The following ST8SIA6 variants were observed in gnomAD, a reference collection of about 807,000 sequenced individuals.
ST8SIA6 encodes the protein alpha-2,8-sialyltransferase 8F.
In ST8SIA6, 39 loss-of-function variants were observed where a neutral mutation model predicts 33.6. The observed-to-expected ratio is 1.16, with a 90% CI of 0.90 to 1.52. The LOEUF (loss-of-function observed/expected upper bound fraction) is 1.52. ST8SIA6 is among the 40% of genes most tolerant of loss of function. The pLI is 0.00. For synonymous variants in ST8SIA6, 172 were observed against 167.2 expected, an observed-to-expected ratio of 1.03 and a Z score of -0.22; for missense variants, 441 against 443.8, an observed-to-expected ratio of 0.99 and a Z score of 0.06.
rs548004666 is a variant in ST8SIA6 at position 17,327,015 on chromosome 10, T to C, written c.634A>G (p.Arg212Gly). ...AGAAACCAATTTGTCAGGTCTTACC[T>C]AAAAACGAAGTCGGATTTATCTATT... The part of the protein sequence containing the change: ...TEIDKSDFVF[R>G]CNLPPTTGDV... Residue 212 changes from arginine to glycine, a missense_variant and splice_region_variant, in exon 6 of 8, where the codon AGG becomes GGG. Arg to Gly is a moderately radical substitution (Grantham distance 125, BLOSUM62 -2). Transcript: ENST00000377602. The C allele has an allele frequency of 1.9e-6, 3 of 1,595,472 alleles. No homozygotes were observed. The Admixed American group carries it at 5.4e-5, about 29-fold the overall frequency.
At chr10:17,450,901 GAC>G (rs925227794) in intron 2 of ST8SIA6, among the ~76,000 whole-genome samples, 1 of 148,024 alleles carries the variant, frequency 6.8e-6, no homozygotes. Context: ...CACACACACA[GAC>G]ACACACACAC....
At chr10:17,401,808 G>A (rs1851052316) in intron 2 of ST8SIA6, among the ~76,000 whole-genome samples, 1 of 152,140 alleles carries the variant, frequency 6.6e-6, no homozygotes, top group African/African-American at 2.4e-5. Flanking sequence ...TTCAATGTTA[G>A]ACCTAAAACC....
chr10:17,387,456 G>A (rs973817398), intron 3 of ST8SIA6, among the ~76,000 whole-genome samples: 4 of 138,104 alleles, frequency 2.9e-5, no homozygotes, highest in African/African-American at 7.8e-5. Context: ...GCGGGGGGGG[G>A]GGGGTTCTCC....
intron 3 of ST8SIA6, among the ~76,000 whole-genome samples, chr10:17,372,807 A>C (rs951909392): frequency 1.3e-5 from 2 of 152,350 alleles, no homozygotes; most frequent in South Asian, 4.1e-4. Flanking sequence ...AAAGTCTCTT[A>C]TGACCTTTCT....
intron 3 of ST8SIA6, among the ~76,000 whole-genome samples, chr10:17,385,199 C>T (rs937637731): frequency 3.3e-5 from 5 of 152,146 alleles, no homozygotes; most frequent in African/African-American, 1.2e-4. Context: ...AAGATAGATG[C>T]GTATCTGATG....
intron 2 of ST8SIA6, among the ~76,000 whole-genome samples, chr10:17,397,608 G>T (rs529769231): frequency 2.0e-5 from 3 of 152,088 alleles, no homozygotes; most frequent in African/African-American, 7.2e-5. Flanking sequence ...GATGTGCTCC[G>T]TACTCCTTAT....
chr10:17,323,150 G>T lies in ST8SIA6; in HGVS notation c.643C>A (p.Leu215Ile), dbSNP rs1196462818. ...CTAACATCTCCTGTGGTTGGGGGTA[G>T]GTTACACCTGAAATTTGAAAAGAAA... ...DKSDFVFRCN[L>I]PPTTGDVSKD... The change falls in exon 7 of 8, where the codon CTA becomes ATA. Residue 215 changes from leucine (L) to isoleucine (I), a missense_variant. Transcript: ENST00000377602. 2.5e-6 allele frequency: 4 copies of T among 1,611,536 alleles called. No homozygotes were observed. The highest frequency in any genetic ancestry group is 3.4e-6 in the Non-Finnish European group (4 of 1,179,198).
intron 2 of ST8SIA6, among the ~76,000 whole-genome samples, chr10:17,416,662 A>T (rs111537290): frequency 9.9e-5 from 15 of 152,090 alleles, no homozygotes; most frequent in African/African-American, 3.4e-4. Flanking sequence ...ACTTCTCTTT[A>T]TCGGTACTTC....
At chr10:17,372,373 T>A (rs1004150258) in intron 3 of ST8SIA6, among the ~76,000 whole-genome samples, 1 of 152,226 alleles carries the variant, frequency 6.6e-6, no homozygotes, top group Non-Finnish European at 1.5e-5. Context: ...GTTTTCAAAT[T>A]TCTGACTTAA....
Position 17,408,657 on chromosome 10 carries a change from CA to C in ST8SIA6, c.201-18038del, listed in dbSNP as rs879470636. Among the ~76,000 whole-genome samples the C allele has an allele frequency of 2.4e-3, 342 of 140,556 alleles. 3 individuals are homozygous for C. Among genetic ancestry groups the C allele is most frequent in the Middle Eastern group, 0.022 (6 of 270 alleles). 92.2% of individuals were successfully genotyped at this position (140,556 alleles called of 152,430 possible). A position where few individuals can be genotyped will look rare whatever the true frequency, so the allele number is the denominator to read the frequency against. ...CCTGGGTGACAGAGCGAGATTGTCT[CA>C]AAAAAAAAAGATAAAATAAATAAAT... On this transcript the variant is annotated intron_variant, in intron 2 of 7. Coordinates refer to ENST00000377602, the MANE Select transcript of ST8SIA6 (RefSeq NM_001004470.3).
Position 17,317,246 on chromosome 10 carries a change from C to G in ST8SIA6, c.*3632G>C, listed in dbSNP as rs992773345. ...GTAGCGCATCTTTATCATATATCAC[C>G]CACATTTTTTTTATAAAAAGAAGAA... is the stretch of plus-strand genomic sequence containing the variant. On this transcript the variant is annotated 3_prime_UTR_variant, in exon 8 of 8. Coordinates refer to ENST00000377602, the MANE Select transcript of ST8SIA6 (RefSeq NM_001004470.3). 1.3e-5 allele frequency among the ~76,000 whole-genome samples: 2 copies of G among 152,102 alleles called. No homozygotes were observed. The highest frequency in any genetic ancestry group is 2.9e-5 in the Non-Finnish European group (2 of 68,008).
chr10:17,374,549 C>A lies in ST8SIA6; in HGVS notation c.291-14949G>T, dbSNP rs370328780. Among the ~76,000 whole-genome samples the A allele has an allele frequency of 7.9e-5, 12 of 151,422 alleles. No homozygotes were observed. The East Asian group carries it at 9.8e-4, about 12-fold the overall frequency. On this transcript the variant is annotated intron_variant, in intron 3 of 7. Coordinates refer to ENST00000377602, the MANE Select transcript of ST8SIA6 (RefSeq NM_001004470.3). Reference sequence around the variant, plus strand: ...AGCAGCCTGGCCAACATGGTGAAACCCCATCTCTACTAAAAATACAAAAAT... The same window carrying A: ...AGCAGCCTGGCCAACATGGTGAAACACCATCTCTACTAAAAATACAAAAAT...
At chr10:17,370,642 G>A (rs1159419211) in intron 3 of ST8SIA6, among the ~76,000 whole-genome samples, 1 of 151,844 alleles carries the variant, frequency 6.6e-6, no homozygotes, top group Non-Finnish European at 1.5e-5. Context: ...TATTATTATA[G>A]GTATTAGGCC....
At position 17,318,584 on chromosome 10, in the gene ST8SIA6, G is replaced by T; in HGVS notation, c.*2294C>A. 1 of 438,422 alleles carries T rather than the reference G, an allele frequency of 2.3e-6. No homozygotes were observed. 27.2% of individuals were successfully genotyped at this position (438,422 alleles called of 1,614,324 possible). On this transcript the variant is annotated 3_prime_UTR_variant, in exon 8 of 8. Transcript: ENST00000377602. The stretch of plus-strand genomic sequence containing the variant: ...TCTCAATGCCCTTAGATGTACTTGA[G>T]TTTTAAGAGCAGAAGATCACATTAG...
At chr10:17,448,628 G>GT (rs1554804923) in intron 2 of ST8SIA6, among the ~76,000 whole-genome samples, 47 of 151,524 alleles carry the variant, frequency 3.1e-4, no homozygotes, top group African/African-American at 1.0e-3. Flanking sequence ...TGTTGTTGTT[G>GT]TTTTTGAGAC....
intron 3 of ST8SIA6, among the ~76,000 whole-genome samples, chr10:17,366,610 T>C (rs962236315): frequency 2.0e-5 from 3 of 152,122 alleles, no homozygotes; most frequent in Non-Finnish European, 2.9e-5. Flanking sequence ...GGATGTGACG[T>C]AGCAAAAGCT....
chr10:17,352,881 G>C (rs1025703169), intron 4 of ST8SIA6, among the ~76,000 whole-genome samples: 2 of 152,018 alleles, frequency 1.3e-5, no homozygotes, highest in African/African-American at 4.8e-5. Context: ...AAATGGTCTT[G>C]ATGCAGAGGA....
chr10:17,452,984 A>G (rs1381917276), intron 2 of ST8SIA6, among the ~76,000 whole-genome samples: 1 of 152,170 alleles, frequency 6.6e-6, no homozygotes, highest in Non-Finnish European at 1.5e-5. Flanking sequence ...ATTTTCTTTT[A>G]TACAGTTCTA....
At position 17,339,280 on chromosome 10, in the gene ST8SIA6, G is replaced by A. The variant is rs901261835; in HGVS notation, c.378-7728C>T. 3.3e-5 allele frequency among the ~76,000 whole-genome samples: 5 copies of A among 152,110 alleles called. No individual in the cohort carries two copies. In the South Asian group the frequency reaches 6.2e-4, roughly 19 times the overall value. The stretch of plus-strand genomic sequence containing the variant: ...ACTTAAGGCTTACAGTTCACAGACC[G>A]AGGCTAACGACCTAAAGGCCCAAAC... On this transcript the variant is annotated intron_variant, in intron 4 of 7. Transcript: ENST00000377602.
Sources: allele counts gnomAD v4.1 joint callset (sites outside exome capture counted in the v4.1 genomes callset), GRCh38; gene constraint gnomAD v4.1.1; transcripts MANE v1.5; gene names NCBI Gene and HGNC (gene_info 2026-07-23, HGNC 2026-07-21).